Variants in PRDM11 observed in about 807,000 individuals in gnomAD.
The protein encoded by PRDM11 is PR/SET domain 11.
Under a neutral mutation model 97.8 loss-of-function variants are expected in PRDM11, and 20 were observed. The ratio of observed to expected loss-of-function variants is 0.20; its 90% CI spans 0.14 to 0.30. The LOEUF (loss-of-function observed/expected upper bound fraction) is 0.30. Among genes scored for constraint, PRDM11 ranks in the 10% least tolerant of loss-of-function variants. The probability of loss-of-function intolerance (pLI) is 1.00; values close to 1 mark genes in which losing one functional copy is unlikely to be tolerated. For missense variants in PRDM11, 1,139 were observed against 1,555.2 expected (o/e 0.73, Z 4.50); for synonymous variants, 599 against 637.7 (o/e 0.94, Z 0.91).
chr11:45,167,251 T>A (rs2135712758), intron 1 of PRDM11, among the ~76,000 whole-genome samples: 1 of 152,338 alleles, frequency 6.6e-6, no homozygotes, highest in East Asian at 1.9e-4. Flanking sequence ...CATGAATACA[T>A]GAGAAGGTTC....
At chr11:45,096,326 C>A (rs938940676) in intron 1 of PRDM11, among the ~76,000 whole-genome samples, 1 of 152,190 alleles carries the variant, frequency 6.6e-6, no homozygotes, top group Admixed American at 6.5e-5. Context: ...TTATTGAGCA[C>A]CTATTGTGTG....
At chr11:45,153,438 C>T (rs1283569211) in intron 1 of PRDM11, among the ~76,000 whole-genome samples, 2 of 152,248 alleles carry the variant, frequency 1.3e-5, no homozygotes, top group Non-Finnish European at 2.9e-5. Flanking sequence ...TACTGGCCTC[C>T]AAGGGCTGCA....
intron 6 of PRDM11, among the ~76,000 whole-genome samples, chr11:45,221,933 C>G (rs1331450180): frequency 6.6e-6 from 1 of 152,124 alleles, no homozygotes; most frequent in Non-Finnish European, 1.5e-5. Flanking sequence ...AAAGGGAGAT[C>G]CCCTATGCCC....
At chr11:45,128,367 T>G (rs1052293824) in intron 1 of PRDM11, among the ~76,000 whole-genome samples, 1 of 152,122 alleles carries the variant, frequency 6.6e-6, no homozygotes, top group African/African-American at 2.4e-5. Context: ...CTGCACCCAC[T>G]GTCTGGCACT....
intron 1 of PRDM11, among the ~76,000 whole-genome samples, chr11:45,178,535 A>C (rs996167087): frequency 1.3e-5 from 2 of 152,212 alleles, no homozygotes; most frequent in African/African-American, 2.4e-5. Flanking sequence ...AGAGCTCCAT[A>C]GGGAATCAAA....
In PRDM11 at chr11:45,231,199, G is replaced by A. The variant is rs186616144; in HGVS notation, c.*3040G>A. The A allele has an allele frequency of 1.6e-3, 248 of 152,266 alleles. 1 individual carries two copies. The highest frequency in any genetic ancestry group is 5.7e-3 in the African/African-American group (235 of 41,548). The allele number at this position is 152,266 out of a possible 1,614,324, so 9.4% of individuals were successfully genotyped here. On this transcript the variant is annotated 3_prime_UTR_variant, in exon 8 of 8. Transcript: ENST00000683152. ...GGTGATACACCACTGCAATTTACAC[G>A]GGGTCTCTTCTCAGCTTGGATGCTC...
chr11:45,146,333 T>C (rs1368836878), upstream of PRDM11, among the ~76,000 whole-genome samples: 2 of 152,200 alleles, frequency 1.3e-5, no homozygotes, highest in African/African-American at 4.8e-5. Context: ...TCACAATGAC[T>C]TTATTAAAAT....
At position 45,228,265 on chromosome 11, in the gene PRDM11, T is replaced by TATATA. The variant is rs1554976395; in HGVS notation, c.*106_*107insATATA. The TATATA allele has an allele frequency of 8.4e-5, 10 of 119,528 alleles. No homozygotes were observed. The highest frequency in any genetic ancestry group is 8.4e-4 in the East Asian group (6 of 7,176). 7.4% of individuals were successfully genotyped at this position (119,528 alleles called of 1,614,324 possible). On this transcript the variant is annotated 3_prime_UTR_variant, in exon 8 of 8. Transcript: ENST00000683152. ...ATATATTATATTATATTATATTATA[T>TATATA]TATATATATATATATATATAAACTC...
Position 45,193,355 on chromosome 11 carries a change from A to G in PRDM11, c.486+10232A>G, listed in dbSNP as rs538358068. Among the ~76,000 whole-genome samples, 32 of 152,336 alleles carry G rather than the reference A, an allele frequency of 2.1e-4. No homozygotes were observed. In the South Asian group the frequency reaches 4.6e-3, roughly 22 times the overall value. On this transcript the variant is annotated intron_variant, in intron 4 of 7. Coordinates refer to ENST00000683152, the MANE Select transcript of PRDM11 (RefSeq NM_001384648.1). ...TTTTGTTGGCTCATAGCAAGTAGTC[A>G]TAATTGGGGTTGTATGGTCAACTGT...
chr11:45,180,765 C>A (rs185075227), intron 1 of PRDM11, among the ~76,000 whole-genome samples: 1 of 150,140 alleles, frequency 6.7e-6, no homozygotes, highest in African/African-American at 2.4e-5. Flanking sequence ...CCCGCCCGCG[C>A]CCGCCCCGGC....
chr11:45,166,718 C>T (rs973728553), intron 1 of PRDM11, among the ~76,000 whole-genome samples: 1 of 152,196 alleles, frequency 6.6e-6, no homozygotes, highest in Non-Finnish European at 1.5e-5. Flanking sequence ...GTAAAACACC[C>T]GACACAGAGC....
At chr11:45,119,167 G>C (rs553753853) in intron 1 of PRDM11, among the ~76,000 whole-genome samples, 9 of 152,304 alleles carry the variant, frequency 5.9e-5, no homozygotes, top group Non-Finnish European at 1.2e-4. Flanking sequence ...TGCATAGGTG[G>C]TTAGGAGACC....
At chr11:45,130,361 G>A (rs919117281) in intron 1 of PRDM11, among the ~76,000 whole-genome samples, 2 of 152,036 alleles carry the variant, frequency 1.3e-5, no homozygotes, top group African/African-American at 4.8e-5. Flanking sequence ...ATATATCTGA[G>A]AAATCAATAA....
At position 45,182,336 on chromosome 11, in the gene PRDM11, A is replaced by G; in HGVS notation, c.210A>G (p.Gln70=). ...TCATCGTGCCCAAAAGCTTCCAGCA[A>G]GTGGACTTCTGGTGTAAGTGGAGCT... ...RDLIVPKSFQ[Q]VDFWFCESCQ... is the part of the protein sequence containing the mutation. Residue 70 remains glutamine (Q), a synonymous_variant, in exon 3 of 8, where the codon CAA becomes CAG. Coordinates refer to ENST00000683152, the MANE Select transcript of PRDM11 (RefSeq NM_001384648.1). 1.2e-6 allele frequency: 2 copies of G among 1,613,904 alleles called. No homozygotes were observed. Among genetic ancestry groups the G allele is most frequent in the South Asian group, 1.1e-5 (1 of 91,066 alleles).
rs558657541 is a variant in PRDM11, at chr11:45,227,125, G to A, written c.2500G>A (p.Val834Ile). 100 of 1,533,976 alleles carry A rather than the reference G, an allele frequency of 6.5e-5. 1 individual carries two copies. In the South Asian group the frequency reaches 9.5e-4, roughly 15 times the overall value. The change falls in exon 8 of 8, where the codon GTC becomes ATC. Residue 834 changes from valine (V) to isoleucine (I), a missense_variant. Around this residue, in one of 2 missense-constraint regions of PRDM11, gnomAD observed 710 missense variants for 1,044.9 expected, o/e 0.68. Transcript: ENST00000683152. The surrounding 1 kb of genome is among the most constrained non-coding windows in gnomAD (Gnocchi z 8.0). Reference protein sequence around the residue: ...AVRWIIGEQNVLNALIKDYLE... With the variant: ...AVRWIIGEQNILNALIKDYLE... Reference sequence around the variant, plus strand: ...GCGGTGGATCATCGGCGAGCAGAACGTCCTCAACGCTCTCATCAAGGACTA... The same window carrying A: ...GCGGTGGATCATCGGCGAGCAGAACATCCTCAACGCTCTCATCAAGGACTA...
intron 1 of PRDM11, among the ~76,000 whole-genome samples, chr11:45,101,026 CTT>C (rs1424121222): frequency 6.6e-6 from 1 of 152,096 alleles, no homozygotes; most frequent in Non-Finnish European, 1.5e-5. Flanking sequence ...AGTATTGTGG[CTT>C]TGTGTGTGTG....
chr11:45,195,461 A>G (rs1049873544), intron 4 of PRDM11, among the ~76,000 whole-genome samples: 6 of 152,028 alleles, frequency 3.9e-5, no homozygotes, highest in Non-Finnish European at 5.9e-5. Context: ...TTTCATATAA[A>G]TGAGATTATG....
intron 1 of PRDM11, chr11:45,147,256 G>C (rs1851537699): frequency 6.6e-6 from 1 of 151,846 alleles, no homozygotes; most frequent in Admixed American, 6.5e-5. Context: ...GGCGGCCCGG[G>C]CCGAGCGCTC....
chr11:45,190,849 C>T (rs1200387150), intron 4 of PRDM11, among the ~76,000 whole-genome samples: 1 of 152,076 alleles, frequency 6.6e-6, no homozygotes, highest in Non-Finnish European at 1.5e-5. Flanking sequence ...TCTTAGCTTG[C>T]AGGCTGTATA....
Sources: gnomAD v4.1 joint callset for allele counts (sites outside exome capture counted in the v4.1 genomes callset) on GRCh38, gnomAD v4.1.1 for gene constraint, gnomAD v4.1.1 regional missense constraint, Gnocchi (gnomAD v3.1) non-coding constraint, MANE v1.5 for transcripts, NCBI Gene and HGNC (gene_info 2026-07-23, HGNC 2026-07-21) for gene names.